Variants in ZNF385B observed in about 807,000 individuals in gnomAD.
The protein encoded by ZNF385B is zinc finger protein 533.
A neutral mutation model predicts 39.2 loss-of-function variants in ZNF385B; 23 were observed. That is an observed-to-expected ratio of 0.59 (90% CI 0.42 to 0.83). The LOEUF is 0.83. Among genes scored for constraint, ZNF385B ranks in the 40% least tolerant of loss-of-function variants. The pLI is 0.00. For synonymous variants in ZNF385B, 205 were observed against 222.6 expected, an observed-to-expected ratio of 0.92 and a Z score of 0.70; for missense variants, 552 against 598.9, an observed-to-expected ratio of 0.92 and a Z score of 0.82.
At chr2:179,577,202 C>A (rs564048999) in intron 3 of ZNF385B, among the ~76,000 whole-genome samples, 151 of 152,040 alleles carry the variant, frequency 9.9e-4, no homozygotes, top group African/African-American at 3.4e-3. Flanking sequence ...AGCAGGCCAC[C>A]CAGGCCCAGG....
At chr2:179,616,136 C>T (rs1393703887) in intron 3 of ZNF385B, among the ~76,000 whole-genome samples, 1 of 152,122 alleles carries the variant, frequency 6.6e-6, no homozygotes, top group East Asian at 1.9e-4. Context: ...AACTTCCCTT[C>T]TAAGAACCTC....
At chr2:179,637,705 A>G (rs1281914359) in intron 3 of ZNF385B, among the ~76,000 whole-genome samples, 5 of 140,734 alleles carry the variant, frequency 3.6e-5, no homozygotes, top group Non-Finnish European at 7.7e-5. Flanking sequence ...CCTGGTTGCA[A>G]CTAGCAAATG....
At chr2:179,859,625 A>G (rs935447631) in intron 1 of ZNF385B, among the ~76,000 whole-genome samples, 1 of 152,244 alleles carries the variant, frequency 6.6e-6, no homozygotes, top group African/African-American at 2.4e-5. Context: ...TTTTATCCCA[A>G]GCTTCCTCAA....
intron 1 of ZNF385B, among the ~76,000 whole-genome samples, chr2:179,809,545 C>G (rs1471665594): frequency 6.6e-6 from 1 of 152,044 alleles, no homozygotes; most frequent in Admixed American, 6.6e-5. Context: ...GAGTCTTATG[C>G]TACATACAGT....
intron 3 of ZNF385B, among the ~76,000 whole-genome samples, chr2:179,719,518 G>A (rs546016712): frequency 1.3e-5 from 2 of 152,324 alleles, no homozygotes; most frequent in Non-Finnish European, 2.9e-5. Context: ...TAACATCTGA[G>A]CTTCAAGAAG....
intron 1 of ZNF385B, among the ~76,000 whole-genome samples, chr2:179,813,515 C>A (rs1487863868): frequency 1.3e-5 from 2 of 152,086 alleles, no homozygotes; most frequent in Non-Finnish European, 2.9e-5. Context: ...CAACAAAAAA[C>A]TACCAAAACG....
chr2:179,660,272 G>A (rs187268255), intron 3 of ZNF385B: 7 of 152,230 alleles, frequency 4.6e-5, no homozygotes, highest in African/African-American at 1.7e-4. Flanking sequence ...TGTGTACTTC[G>A]TTTGAAACTA....
chr2:179,518,788 T>A, intron 4 of ZNF385B, 150 bp from the exon 5 acceptor site: 1 of 455,376 alleles, frequency 2.2e-6, no homozygotes, highest in Non-Finnish European at 3.8e-6. Context: ...AGTAATATAT[T>A]TGTCTCCAAA....
At chr2:179,608,841 ACTGTGTGTGTGTGTGT>A (rs926789948) in intron 3 of ZNF385B, among the ~76,000 whole-genome samples, 13 of 108,306 alleles carry the variant, frequency 1.2e-4, no homozygotes, top group Admixed American at 6.5e-4. Flanking sequence ...AAGGGCCAAG[ACTGTGTGTGTGTGTGT>A]GTGTGTGTGT....
chr2:179,591,646 A>G (rs1687573261), intron 3 of ZNF385B, among the ~76,000 whole-genome samples: 1 of 152,224 alleles, frequency 6.6e-6, no homozygotes, highest in Admixed American at 6.5e-5. Context: ...GCTTCAGGGT[A>G]GAGAGTAAAG....
chr2:179,651,366 A>G (rs10201428), intron 3 of ZNF385B, among the ~76,000 whole-genome samples: 5,072 of 152,250 alleles, frequency 0.033, 267 homozygotes, highest in African/African-American at 0.12. Context: ...ACAAACACTA[A>G]GAATGTCCAA....
chr2:179,794,595 T>G (rs1247681833), intron 1 of ZNF385B, among the ~76,000 whole-genome samples: 1 of 152,160 alleles, frequency 6.6e-6, no homozygotes, highest in Non-Finnish European at 1.5e-5. Flanking sequence ...AATAACTGTT[T>G]GATTCTTACG....
At chr2:179,859,803 C>A (rs1684897200) in intron 1 of ZNF385B, among the ~76,000 whole-genome samples, 1 of 152,150 alleles carries the variant, frequency 6.6e-6, no homozygotes, top group African/African-American at 2.4e-5. Context: ...ATTCTAAAGG[C>A]ATTTATCTGT....
chr2:179,836,513 C>CTTTTTT lies in ZNF385B; in HGVS notation c.-155+24582_-155+24587dup, dbSNP rs755278598. ...ATCTGAATCAAGGTTCTTGCGTTTT[C>CTTTTTT]TTTTTTTTTTTTTTTTGAGACGGAG... On this transcript the variant is annotated intron_variant, in intron 1 of 9. Coordinates refer to ENST00000410066, the MANE Select transcript of ZNF385B (RefSeq NM_152520.6). Among the ~76,000 whole-genome samples, 789 of 124,130 alleles carry CTTTTTT rather than the reference C, an allele frequency of 6.4e-3. 49 individuals carry two copies. Among genetic ancestry groups the CTTTTTT allele is most frequent in the African/African-American group, 0.023 (745 of 31,752 alleles). The allele number at this position is 124,130 out of a possible 152,430, so 81.4% of individuals were successfully genotyped here.
intron 1 of ZNF385B, among the ~76,000 whole-genome samples, chr2:179,858,493 AC>A (rs1684774684): frequency 6.6e-6 from 1 of 152,190 alleles, no homozygotes; most frequent in African/African-American, 2.4e-5. Flanking sequence ...AAAGTAACAT[AC>A]AAAAGAGCAA....
chr2:179,859,411 C>A (rs756042233), intron 1 of ZNF385B, among the ~76,000 whole-genome samples: 1 of 152,080 alleles, frequency 6.6e-6, no homozygotes, highest in Non-Finnish European at 1.5e-5. Context: ...ATAAAGAGAT[C>A]ATTACTTATG....
At chr2:179,778,716 T>G (rs2106519946) in intron 1 of ZNF385B, among the ~76,000 whole-genome samples, 1 of 152,300 alleles carries the variant, frequency 6.6e-6, no homozygotes, top group African/African-American at 2.4e-5. Flanking sequence ...TTTTTGAAAT[T>G]ATTGCATTTT....
At chr2:179,454,702 G>T (rs543326176) in intron 6 of ZNF385B, among the ~76,000 whole-genome samples, 2 of 151,774 alleles carry the variant, frequency 1.3e-5, no homozygotes, top group Non-Finnish European at 2.9e-5. Context: ...GGCTAATATG[G>T]GTGTTTGTGT....
At chr2:179,550,291 T>A (rs2060486441) in intron 3 of ZNF385B, among the ~76,000 whole-genome samples, 1 of 149,474 alleles carries the variant, frequency 6.7e-6, no homozygotes, top group East Asian at 1.9e-4. Flanking sequence ...GCTCTGATAA[T>A]ACTGTGTAAT....
Sources: gnomAD v4.1 joint callset for allele counts (sites outside exome capture counted in the v4.1 genomes callset) on GRCh38, gnomAD v4.1.1 for gene constraint, MANE v1.5 for transcripts, NCBI Gene and HGNC (gene_info 2026-07-23, HGNC 2026-07-21) for gene names.